Variants in KCNIP1 observed in about 807,000 individuals in gnomAD.
KCNIP1 encodes the protein potassium voltage-gated channel interacting protein 1.
A neutral mutation model predicts 33.0 loss-of-function variants in KCNIP1; 18 were observed. The ratio of observed to expected loss-of-function variants is 0.55; its 90% CI spans 0.38 to 0.81. KCNIP1 has a LOEUF of 0.81. KCNIP1 is among the 30% of genes least tolerant of loss of function. The pLI is 0.00. For synonymous variants in KCNIP1, 93 were observed against 98.3 expected (o/e 0.95, Z 0.32); for missense variants, 238 against 271.6 (o/e 0.88, Z 0.87).
At chr5:170,704,667 C>T (rs1023991907) in intron 1 of KCNIP1, among the ~76,000 whole-genome samples, 1 of 152,194 alleles carries the variant, frequency 6.6e-6, no homozygotes, top group Admixed American at 6.5e-5. Context: ...TCCTCCTCCT[C>T]CTCCTGCTTT....
At chr5:170,544,558 G>T (rs1756340798) in intron 1 of KCNIP1, among the ~76,000 whole-genome samples, 1 of 151,744 alleles carries the variant, frequency 6.6e-6, no homozygotes, top group Non-Finnish European at 1.5e-5. Flanking sequence ...GACACTGTTG[G>T]GTTTATTTTT....
chr5:170,412,625 T>A (rs1755225009), intron 1 of KCNIP1, among the ~76,000 whole-genome samples: 1 of 152,108 alleles, frequency 6.6e-6, no homozygotes, highest in Non-Finnish European at 1.5e-5. Context: ...GCAAAATGCC[T>A]CCTGGAGGTC....
At chr5:170,591,352 CTACT>C (rs1185865606) in intron 1 of KCNIP1, among the ~76,000 whole-genome samples, 1 of 140,394 alleles carries the variant, frequency 7.1e-6, no homozygotes, top group Admixed American at 7.5e-5. Flanking sequence ...GGTGGAAGCT[CTACT>C]TAGCTTGCTG....
intron 1 of KCNIP1, among the ~76,000 whole-genome samples, chr5:170,390,540 T>A (rs1181422716): frequency 4.4e-5 from 5 of 113,968 alleles, no homozygotes; most frequent in Non-Finnish European, 9.0e-5. Context: ...ATATATATAT[T>A]TTCAACAAAA....
At chr5:170,503,435 G>T (rs977137833), upstream of KCNIP1, among the ~76,000 whole-genome samples, 5 of 151,426 alleles carry the variant, frequency 3.3e-5, no homozygotes, top group African/African-American at 1.2e-4. Context: ...GAGTGTAAGG[G>T]CCCAGAGGGG....
intron 1 of KCNIP1, among the ~76,000 whole-genome samples, chr5:170,548,104 G>T (rs931427534): frequency 6.6e-6 from 1 of 152,066 alleles, no homozygotes; most frequent in African/African-American, 2.4e-5. Flanking sequence ...GTTTTGATTT[G>T]CATTTCTCAC....
chr5:170,380,630 G>A (rs546319625), intron 1 of KCNIP1, among the ~76,000 whole-genome samples: 3 of 152,312 alleles, frequency 2.0e-5, no homozygotes, highest in African/African-American at 7.2e-5. Flanking sequence ...CTGGGGAGAC[G>A]CTGGCTCCTC....
chr5:170,712,155 A>AT, intron 1 of KCNIP1, among the ~76,000 whole-genome samples: 1 of 152,238 alleles, frequency 6.6e-6, no homozygotes, highest in Admixed American at 6.5e-5. Flanking sequence ...CAGGTCTGGT[A>AT]TTTTGTCTTG....
At chr5:170,661,150 G>A (rs576245340) in intron 1 of KCNIP1, among the ~76,000 whole-genome samples, 54 of 152,342 alleles carry the variant, frequency 3.5e-4, no homozygotes, top group Non-Finnish European at 6.2e-4. Context: ...AGGTTGAGGA[G>A]ATGGCTGATG....
At chr5:170,444,684 T>C (rs148089745) in intron 1 of KCNIP1, among the ~76,000 whole-genome samples, 2,382 of 147,124 alleles carry the variant, frequency 0.016, 34 homozygotes, top group African/African-American at 0.038. Context: ...CTACAAATTA[T>C]ATTTTTTCTT....
chr5:170,692,341 G>A (rs1431546624), intron 1 of KCNIP1, among the ~76,000 whole-genome samples: 5 of 152,130 alleles, frequency 3.3e-5, no homozygotes, highest in African/African-American at 1.2e-4. Flanking sequence ...GCCTTTTCAG[G>A]CAAAGCGGGG....
chr5:170,495,285 C>T (rs1325442386), intron 1 of KCNIP1, among the ~76,000 whole-genome samples: 4 of 152,174 alleles, frequency 2.6e-5, no homozygotes, highest in Non-Finnish European at 4.4e-5. Flanking sequence ...CCATTCAGGT[C>T]GCAGCTGGGG....
intron 1 of KCNIP1, among the ~76,000 whole-genome samples, chr5:170,472,271 G>A (rs925713041): frequency 2.0e-5 from 3 of 152,130 alleles, no homozygotes; most frequent in Non-Finnish European, 2.9e-5. Flanking sequence ...GAAAGCTCTC[G>A]CAATGAGAGG....
chr5:170,434,411 C>T (rs1463833390), intron 1 of KCNIP1, among the ~76,000 whole-genome samples: 1 of 152,120 alleles, frequency 6.6e-6, no homozygotes, highest in Non-Finnish European at 1.5e-5. Flanking sequence ...GAGAGGCCTC[C>T]TGGGGTGTTT....
intron 1 of KCNIP1, among the ~76,000 whole-genome samples, chr5:170,448,910 G>A (rs912099438): frequency 6.6e-6 from 1 of 152,198 alleles, no homozygotes; most frequent in Non-Finnish European, 1.5e-5. Flanking sequence ...TATTACAGAT[G>A]AGAACACTGA....
intron 1 of KCNIP1, among the ~76,000 whole-genome samples, chr5:170,647,439 G>A (rs1199966628): frequency 2.0e-5 from 3 of 151,942 alleles, no homozygotes; most frequent in Non-Finnish European, 4.4e-5. Flanking sequence ...TAGATCAATG[G>A]AACAGAACAG....
Position 170,378,586 on chromosome 5 carries a change from T to C in KCNIP1, c.88+24622T>C, listed in dbSNP as rs1581125923. Reference sequence around the variant, plus strand: ...TCCTGCAACAGAAGACAGCGTGGATTGGACTGGAAGAGTGGGAGGGCAGGT... The same window carrying C: ...TCCTGCAACAGAAGACAGCGTGGATCGGACTGGAAGAGTGGGAGGGCAGGT... On this transcript the variant is annotated intron_variant, in intron 1 of 7. Coordinates refer to the KCNIP1 transcript ENST00000377360. The C allele has an allele frequency of 1.7e-5, 18 of 1,056,532 alleles. 1 individual carries two copies. The East Asian group carries it at 4.3e-4, about 25-fold the overall frequency. The allele number at this position is 1,056,532 out of a possible 1,614,324, so 65.4% of individuals were successfully genotyped here.
At chr5:170,426,274 A>C (rs13158175) in intron 1 of KCNIP1, among the ~76,000 whole-genome samples, 4 of 56,700 alleles carry the variant, frequency 7.1e-5, no homozygotes, top group Non-Finnish European at 1.1e-4. Flanking sequence ...CACACACACA[A>C]ACACACACAC....
chr5:170,679,504 C>A (rs1762255520), intron 1 of KCNIP1, among the ~76,000 whole-genome samples: 1 of 152,162 alleles, frequency 6.6e-6, no homozygotes, highest in Non-Finnish European at 1.5e-5. Context: ...CCATTACGCA[C>A]ATACATAGGA....
Sources: gnomAD v4.1 joint callset for allele counts (sites outside exome capture counted in the v4.1 genomes callset) on GRCh38, gnomAD v4.1.1 for gene constraint, MANE v1.5 for transcripts, NCBI Gene and HGNC (gene_info 2026-07-23, HGNC 2026-07-21) for gene names.